HECTD4: variants seen among roughly 807,000 people sequenced by gnomAD.
HECTD4 encodes HECT domain E3 ubiquitin protein ligase 4.
A neutral mutation model predicts 471.5 loss-of-function variants in HECTD4; 114 were observed. That is an observed-to-expected ratio of 0.24 (90% CI 0.21 to 0.28). HECTD4 has a LOEUF of 0.28. Ranked by LOEUF, HECTD4 falls within the 10% of genes least tolerant of loss-of-function variation. The pLI is 1.00. For synonymous variants in HECTD4, 2,012 were observed against 2,256.0 expected (o/e 0.89, Z 3.07); for missense variants, 3,866 against 5,651.5 (o/e 0.68, Z 10.13).
intron 1 of HECTD4, among the ~76,000 whole-genome samples, chr12:112,346,253 C>T (rs2036147838): frequency 6.6e-6 from 1 of 152,216 alleles, no homozygotes; most frequent in Admixed American, 6.5e-5. Flanking sequence ...CTCACACACA[C>T]CTGATAAGAA....
In HECTD4 at chr12:112,184,856, C is replaced by T; in HGVS notation, c.10110G>A (p.Lys3370=). 1.9e-6 allele frequency: 3 copies of T among 1,606,968 alleles called. No individual in the cohort carries two copies. Among genetic ancestry groups the T allele is most frequent in the Non-Finnish European group, 2.6e-6 (3 of 1,175,030 alleles). The change falls in exon 61 of 76, where the codon AAG becomes AAA. Residue 3370 remains lysine, a synonymous_variant. Coordinates refer to ENST00000682272, the MANE Select transcript of HECTD4 (RefSeq NM_001388303.1). This position sits in a 1 kb window ranked among gnomAD's most constrained non-coding sequence, Gnocchi z 9.1. ...LLIILRHLTR[K]DPQGLGVTSD... is the part of the protein sequence containing the mutation. ...TCGTCACGCCCAGCCCCTGTGGGTC[C>T]TTCCTGGTGAGGTGGCGGAGGATGA...
Position 112,168,781 on chromosome 12 carries a change from G to A in HECTD4, c.12208+722C>T, listed in dbSNP as rs12579154. Among the ~76,000 whole-genome samples the A allele has an allele frequency of 4.6e-4, 70 of 152,338 alleles. 1 individual carries two copies. In the East Asian group the frequency reaches 0.013, roughly 28 times the overall value. On this transcript the variant is annotated intron_variant, in intron 70 of 75. Coordinates refer to ENST00000682272, the MANE Select transcript of HECTD4 (RefSeq NM_001388303.1). ...TTTCCCTATGTGTAGGATGGGCCAG[G>A]GCTGGCACTCTGGGCAGGTTCGCTG...
In HECTD4 at chr12:112,314,544, C is replaced by T; in HGVS notation, c.698G>A (p.Gly233Glu). Residue 233 changes from glycine (G) to glutamate (E), a missense_variant and splice_region_variant, in exon 3 of 76, where the codon GGA becomes GAA. Gly to Glu is a moderately conservative substitution (Grantham distance 98, BLOSUM62 -2). Coordinates refer to ENST00000682272, the MANE Select transcript of HECTD4 (RefSeq NM_001388303.1). ...TGTGTGGACGAAAGTTTTCAATGAT[C>T]CCCTAAAAATAAAAGGAAGGAACAG... ...AALVALACARGSLKTFVHTVH... is the reference protein window; with the variant it reads ...AALVALACARESLKTFVHTVH... 1 of 1,485,936 alleles carries T rather than the reference C, an allele frequency of 6.7e-7. No individual in the cohort carries two copies. The highest frequency in any genetic ancestry group is 1.2e-5 in the South Asian group (1 of 82,852). The allele number at this position is 1,485,936 out of a possible 1,614,324, so 92.0% of individuals were successfully genotyped here.
At position 112,230,712 on chromosome 12, in the gene HECTD4, T is replaced by C; in HGVS notation, c.6311A>G (p.Gln2104Arg). 2 of 1,611,190 alleles carry C rather than the reference T, an allele frequency of 1.2e-6. No homozygotes were observed. Among genetic ancestry groups the C allele is most frequent in the Non-Finnish European group, 1.7e-6 (2 of 1,178,644 alleles). ...CTTCTCTGCTGTTGTGGTCCATATT[T>C]GAGCAGCATTTGATTCAGGTGCCAT... is the stretch of plus-strand genomic sequence containing the variant. ...LLMAPESNAA[Q>R]IWTTTAEKVL... is the part of the protein sequence containing the mutation. The change falls in exon 40 of 76, where the codon CAA becomes CGA. Residue 2104 changes from glutamine (Q) to arginine (R), a missense_variant. This residue lies in a region of HECTD4 where 617 missense variants were observed against 915.1 expected (regional missense o/e 0.67). Transcript: ENST00000682272.
chr12:112,315,337 A>G (rs2032705335), intron 2 of HECTD4, among the ~76,000 whole-genome samples: 1 of 152,252 alleles, frequency 6.6e-6, no homozygotes, highest in Admixed American at 6.5e-5. Context: ...TCATATGCCT[A>G]AACGCCAATA....
intron 26 of HECTD4, 42 bp from the exon 27 acceptor site, chr12:112,248,213 T>C (rs776759370): frequency 3.2e-6 from 5 of 1,558,948 alleles, no homozygotes; most frequent in Non-Finnish European, 4.4e-6. Context: ...AAAACAAGTA[T>C]GATTCAAAAT....
At chr12:112,212,201 T>C (rs979455000) in intron 49 of HECTD4, among the ~76,000 whole-genome samples, 1 of 152,158 alleles carries the variant, frequency 6.6e-6, no homozygotes, top group Admixed American at 6.5e-5. Flanking sequence ...TTACTGACAT[T>C]TGAAAGAACT....
At chr12:112,257,969 C>G (rs2135596712) in intron 20 of HECTD4, among the ~76,000 whole-genome samples, 1 of 152,178 alleles carries the variant, frequency 6.6e-6, no homozygotes, top group East Asian at 1.9e-4. Context: ...GTGGGCGGAT[C>G]ATGAGGTCAG....
chr12:112,192,744 C>T lies in HECTD4; in HGVS notation c.9108G>A (p.Pro3036=), dbSNP rs1480633086. ...GGCCATATACGAGCACCCGTGCCCA[C>T]GGTGCCTTGTACAGAGAGGAGCTGA... is the stretch of plus-strand genomic sequence containing the variant. ...FRKDSSLYKA[P]WARVLVYGLG... is the part of the protein sequence containing the mutation. Residue 3036 remains proline, a synonymous_variant, in exon 59 of 76, where the codon CCG becomes CCA. Transcript: ENST00000682272. The T allele has an allele frequency of 5.1e-5, 81 of 1,587,038 alleles. No homozygotes were observed. Among genetic ancestry groups the T allele is most frequent in the African/African-American group, 8.1e-5 (6 of 74,446 alleles).
intron 69 of HECTD4, 96 bp downstream of exon 69, chr12:112,170,237 A>G: frequency 6.7e-7 from 1 of 1,495,608 alleles, no homozygotes; most frequent in South Asian, 1.2e-5. Flanking sequence ...GAACCGCTGC[A>G]CCAGCCCTGG....
intron 7 of HECTD4, among the ~76,000 whole-genome samples, chr12:112,305,812 C>A (rs1020733866): frequency 6.6e-6 from 1 of 152,184 alleles, no homozygotes; most frequent in Non-Finnish European, 1.5e-5. Flanking sequence ...TACTTAAATA[C>A]CCTTCTGTCT....
intron 17 of HECTD4, 95 bp downstream of exon 17, chr12:112,263,989 G>T: frequency 8.4e-7 from 1 of 1,190,658 alleles, no homozygotes; most frequent in Non-Finnish European, 1.1e-6. Context: ...AAGCCACAAG[G>T]TGAATTCTGA....
At chr12:112,236,671 A>G (rs1204080537) in intron 35 of HECTD4, among the ~76,000 whole-genome samples, 3 of 152,216 alleles carry the variant, frequency 2.0e-5, no homozygotes, top group African/African-American at 7.2e-5. Context: ...AACTGCATCT[A>G]TGGGAAAGGT....
Position 112,185,263 on chromosome 12 carries a change from C to A in HECTD4, c.9703G>T (p.Ala3235Ser). 6.5e-7 allele frequency: 1 copy of A among 1,550,048 alleles called. No homozygotes were observed. The highest frequency in any genetic ancestry group is 8.7e-7 in the Non-Finnish European group (1 of 1,146,478). ...EETQNWVSGG[A>S]CGGSGGAAAG... ...GCCGCCCCCCCGGAGCCCCCGCAGG[C>A]GCCGCCTGAGACCCAGTTCTGCGTC... The change falls in exon 61 of 76, where the codon GCC (alanine) becomes TCC (serine). Residue 3235 changes from alanine to serine, a missense_variant. Coordinates refer to ENST00000682272, the MANE Select transcript of HECTD4 (RefSeq NM_001388303.1).
At chr12:112,366,932 A>AT (rs201645230) in intron 1 of HECTD4, among the ~76,000 whole-genome samples, 5,976 of 146,764 alleles carry the variant, frequency 0.041, 264 homozygotes, top group African/African-American at 0.11. Flanking sequence ...GCTTGTTACT[A>AT]TTTTTTTTTT....
chr12:112,338,535 G>A (rs1049126249), intron 1 of HECTD4, among the ~76,000 whole-genome samples: 5 of 152,048 alleles, frequency 3.3e-5, no homozygotes, highest in African/African-American at 4.8e-5. Context: ...GCAGAGAATC[G>A]CTTGAACCCA....
At chr12:112,358,172 TCAGCCTG>T (rs1247983233) in intron 1 of HECTD4, among the ~76,000 whole-genome samples, 3 of 152,084 alleles carry the variant, frequency 2.0e-5, no homozygotes, top group Non-Finnish European at 4.4e-5. Flanking sequence ...CCACTGCACT[TCAGCCTG>T]GTGATAGAGC....
Position 112,319,092 on chromosome 12 carries a change from T to C in HECTD4, c.695+133A>G. ...CTCATGCACTGTCAAGGCTGTGAAA[T>C]TCAATACTGAAAGCAAAGAAGGACT... is the stretch of plus-strand genomic sequence containing the variant. On this transcript the variant is annotated intron_variant, in intron 2 of 75. Transcript: ENST00000682272. The surrounding 1 kb of genome is among the most constrained non-coding windows in gnomAD (Gnocchi z 5.3). 2.0e-6 allele frequency: 2 copies of C among 990,882 alleles called. No individual in the cohort carries two copies. Among genetic ancestry groups the C allele is most frequent in the Non-Finnish European group, 2.9e-6 (2 of 690,524 alleles). 61.4% of individuals were successfully genotyped at this position (990,882 alleles called of 1,614,324 possible). A position where few individuals can be genotyped will look rare whatever the true frequency, so the allele number is the denominator to read the frequency against.
chr12:112,335,179 C>T (rs896698528), intron 1 of HECTD4, among the ~76,000 whole-genome samples: 3 of 151,294 alleles, frequency 2.0e-5, no homozygotes, highest in Non-Finnish European at 4.4e-5. Flanking sequence ...CACACACACA[C>T]AATGGAATAC....
Sources: allele counts gnomAD v4.1 joint callset (sites outside exome capture counted in the v4.1 genomes callset), GRCh38; gene constraint gnomAD v4.1.1; regional missense constraint gnomAD v4.1.1; non-coding constraint Gnocchi (gnomAD v3.1); transcripts MANE v1.5; gene names NCBI Gene and HGNC (gene_info 2026-07-23, HGNC 2026-07-21).